TMA16: variants seen among roughly 807,000 people sequenced by gnomAD.
TMA16 encodes translation machinery associated 16 homolog, also known as translation machinery-associated protein 16.
A neutral mutation model predicts 27.1 loss-of-function variants in TMA16; 26 were observed. That is an observed-to-expected ratio of 0.96 (90% confidence interval 0.70 to 1.33). TMA16 has a LOEUF of 1.33. Ranked by LOEUF, TMA16 falls within the 40% of genes most tolerant of loss-of-function variation. The pLI is 0.00. For synonymous variants in TMA16, 71 were observed against 81.9 expected (o/e 0.87, Z 0.72); for missense variants, 233 against 241.4 (o/e 0.97, Z 0.23).
intron 4 of TMA16, among the ~76,000 whole-genome samples, chr4:163,514,571 A>G (rs1415206837): frequency 6.6e-6 from 1 of 152,238 alleles, no homozygotes; most frequent in Admixed American, 6.5e-5. Context: ...GGCAGGTACA[A>G]TAAGTGATAG....
At chr4:163,518,227 TGTA>T (rs1737915005) in intron 6 of TMA16, among the ~76,000 whole-genome samples, 1 of 152,208 alleles carries the variant, frequency 6.6e-6, no homozygotes, top group African/African-American at 2.4e-5. Flanking sequence ...AGTGAGAACA[TGTA>T]GTATTTGGTT....
At position 163,508,212 on chromosome 4, in the gene TMA16, A is replaced by T. The variant is rs560222035; in HGVS notation, c.116+1067A>T. Among the ~76,000 whole-genome samples, 40 of 152,258 alleles carry T rather than the reference A, an allele frequency of 2.6e-4. No individual in the cohort carries two copies. The South Asian group carries it at 8.1e-3, about 31-fold the overall frequency. ...GATTTTGCAGTTTCTGCTCTCATATATATCAGTATTTTGCAAACTTAAGTA... is the reference window on the plus strand; with the variant it reads ...GATTTTGCAGTTTCTGCTCTCATATTTATCAGTATTTTGCAAACTTAAGTA... On this transcript the variant is annotated intron_variant, in intron 2 of 6. Transcript: ENST00000358572.
chr4:163,516,744 AT>A (rs997644646), intron 5 of TMA16, among the ~76,000 whole-genome samples: 15 of 150,772 alleles, frequency 9.9e-5, no homozygotes, highest in Middle Eastern at 3.2e-3. Context: ...TTTAAGCAAA[AT>A]TTTTTTTTTA....
chr4:163,507,217 T>G, intron 2 of TMA16, 72 bp downstream of exon 2: 1 of 1,295,188 alleles, frequency 7.7e-7, no homozygotes, highest in African/African-American at 1.5e-5. Context: ...TTCAAACATA[T>G]ATCCTTTCAC....
At chr4:163,512,527 C>A (rs945610957) in intron 2 of TMA16, 1 of 253,700 alleles carries the variant, frequency 3.9e-6, no homozygotes. Context: ...ATTACAGAAC[C>A]CATCTGAATG....
intron 1 of TMA16, among the ~76,000 whole-genome samples, chr4:163,501,216 GTCT>G (rs1299503947): frequency 6.6e-6 from 1 of 151,990 alleles, no homozygotes; most frequent in Non-Finnish European, 1.5e-5. Context: ...AAATATTCTG[GTCT>G]TTGATAGAAG....
At chr4:163,505,027 T>C (rs975413894) in intron 1 of TMA16, among the ~76,000 whole-genome samples, 2 of 152,166 alleles carry the variant, frequency 1.3e-5, no homozygotes, top group Non-Finnish European at 2.9e-5. Flanking sequence ...GATAACCTAA[T>C]CTCAGAATTG....
intron 3 of TMA16, among the ~76,000 whole-genome samples, chr4:163,513,458 C>A (rs28492809): frequency 0.012 from 1,883 of 152,202 alleles, 35 homozygotes; most frequent in African/African-American, 0.043. Context: ...CTTGAGAAAT[C>A]TAACTGAAAG....
intron 2 of TMA16, among the ~76,000 whole-genome samples, chr4:163,509,806 G>A (rs1403916538): frequency 6.6e-6 from 1 of 152,076 alleles, no homozygotes; most frequent in East Asian, 1.9e-4. Context: ...GATATGATGT[G>A]ATTTTTGTTT....
chr4:163,509,641 G>A (rs1291774016), intron 2 of TMA16, among the ~76,000 whole-genome samples: 1 of 152,126 alleles, frequency 6.6e-6, no homozygotes, highest in Non-Finnish European at 1.5e-5. Flanking sequence ...GATACTGTAG[G>A]AGTGGATAAC....
At chr4:163,515,118 G>A (rs1216647864) in intron 4 of TMA16, among the ~76,000 whole-genome samples, 195 bp from the exon 5 acceptor site, 3 of 152,064 alleles carry the variant, frequency 2.0e-5, no homozygotes, top group African/African-American at 2.4e-5. Flanking sequence ...AGAAGGCTGC[G>A]ATTTGGTCAC....
chr4:163,495,431 CTG>C (rs1364859982), intron 1 of TMA16, among the ~76,000 whole-genome samples: 1 of 152,192 alleles, frequency 6.6e-6, no homozygotes, highest in Non-Finnish European at 1.5e-5. Flanking sequence ...TTTGAAAGCC[CTG>C]TGTTACCTTC....
Position 163,494,835 on chromosome 4 carries a change from C to G in TMA16, c.3+31C>G, listed in dbSNP as rs1737524707. On this transcript the variant is annotated intron_variant, in intron 1 of 6. Transcript: ENST00000358572. ...CCCCCTCCTGCTCCCCCGAACCGCT[C>G]GGTTGGTTCCCCGGAAGGCTCTTGT... 10 of 1,610,190 alleles carry G rather than the reference C, an allele frequency of 6.2e-6. No homozygotes were observed. The East Asian group carries it at 2.0e-4, about 32-fold the overall frequency.
intron 1 of TMA16, among the ~76,000 whole-genome samples, chr4:163,496,619 C>T (rs541822458): frequency 8.7e-4 from 131 of 151,360 alleles, no homozygotes; most frequent in Non-Finnish European, 1.5e-3. Context: ...TTTTTTGAGA[C>T]GGTGTTTTGC....
intron 1 of TMA16, among the ~76,000 whole-genome samples, chr4:163,497,619 C>A (rs1266559379): frequency 6.6e-6 from 1 of 152,134 alleles, no homozygotes; most frequent in Non-Finnish European, 1.5e-5. Context: ...AGCAGCATGG[C>A]ATCTTTAAAT....
At chr4:163,512,114 G>C (rs1445967997) in intron 2 of TMA16, among the ~76,000 whole-genome samples, 1 of 151,746 alleles carries the variant, frequency 6.6e-6, no homozygotes, top group Non-Finnish European at 1.5e-5. Flanking sequence ...ACATATGGTA[G>C]GTGCTTTTTA....
At chr4:163,502,092 G>A (rs1261347797) in intron 1 of TMA16, among the ~76,000 whole-genome samples, 2 of 152,142 alleles carry the variant, frequency 1.3e-5, no homozygotes, top group Non-Finnish European at 1.5e-5. Context: ...AGGTTGCGGT[G>A]TAAAGAGTGG....
chr4:163,518,328 CAA>C (rs1737916864), intron 6 of TMA16, among the ~76,000 whole-genome samples: 1 of 152,072 alleles, frequency 6.6e-6, no homozygotes, highest in Non-Finnish European at 1.5e-5. Flanking sequence ...GCAGCCTTGA[CAA>C]AAAATTTATG....
rs962880760 is a variant in TMA16 at position 163,519,500 on chromosome 4, A to C, written c.598A>C (p.Thr200Pro). 8.8e-6 allele frequency: 14 copies of C among 1,593,034 alleles called. No individual in the cohort carries two copies. The highest frequency in any genetic ancestry group is 1.8e-5 in the Admixed American group (1 of 54,354). Reference sequence around the variant, plus strand: ...ATCAAGTGATTCAGATGAGGAAATGACTGCAGTGGCCTAATTGTCTTCACT... The same window carrying C: ...ATCAAGTGATTCAGATGAGGAAATGCCTGCAGTGGCCTAATTGTCTTCACT... ...DESSDSDEEM[T>P]AVA Residue 200 changes from threonine (T) to proline (P), a missense_variant, in exon 7 of 7, where the codon ACT becomes CCT. Transcript: ENST00000358572.
Sources: allele counts gnomAD v4.1 joint callset (sites outside exome capture counted in the v4.1 genomes callset), GRCh38; gene constraint gnomAD v4.1.1; transcripts MANE v1.5; gene names NCBI Gene and HGNC (gene_info 2026-07-23, HGNC 2026-07-21).